The following PRUNE2 variants were observed in gnomAD, a reference collection of about 807,000 sequenced individuals.
The protein encoded by PRUNE2 is prune homolog 2 with BCH domain.
Under a neutral mutation model 252.0 loss-of-function variants are expected in PRUNE2, and 164 were observed. The ratio of observed to expected loss-of-function variants is 0.65; its 90% CI spans 0.57 to 0.74. The LOEUF (loss-of-function observed/expected upper bound fraction) is 0.74. PRUNE2 is among the 30% of genes least tolerant of loss of function. PRUNE2 has a pLI of 0.00. For missense variants in PRUNE2, 3,495 were observed against 3,711.0 expected (o/e 0.94, Z 1.51); for synonymous variants, 1,292 against 1,350.2 (o/e 0.96, Z 0.94).
chr9:76,653,425 A>G (rs907762615), intron 10 of PRUNE2, among the ~76,000 whole-genome samples: 7 of 152,186 alleles, frequency 4.6e-5, no homozygotes, highest in Admixed American at 1.3e-4. Flanking sequence ...AATAATTATA[A>G]TACCTAATAC....
chr9:76,889,478 G>C (rs1479749703), intron 1 of PRUNE2, among the ~76,000 whole-genome samples: 1 of 151,864 alleles, frequency 6.6e-6, no homozygotes, highest in East Asian at 1.9e-4. Context: ...ACACCACTAA[G>C]CCCAGCTACT....
In PRUNE2 at chr9:76,771,513, G is replaced by A. The variant is rs1287437477; in HGVS notation, c.756+52119C>T. On this transcript the variant is annotated intron_variant, in intron 6 of 18. Coordinates refer to ENST00000376718, the MANE Select transcript of PRUNE2 (RefSeq NM_015225.3). ...AATGTGACATGAAGGCAGGTACAAT[G>A]AGGAAGACTACGGTGAGTCGGGGGT... Among the ~76,000 whole-genome samples the A allele has an allele frequency of 3.3e-5, 5 of 152,318 alleles. No individual in the cohort carries two copies. In the East Asian group the frequency reaches 9.6e-4, roughly 29 times the overall value.
chr9:76,654,651 C>A (rs1408406927), intron 10 of PRUNE2, among the ~76,000 whole-genome samples: 1 of 152,154 alleles, frequency 6.6e-6, no homozygotes, highest in African/African-American at 2.4e-5. Flanking sequence ...GCCTTAGTGC[C>A]TTTATCATTC....
At chr9:76,699,474 A>C (rs2045699863) in intron 9 of PRUNE2, among the ~76,000 whole-genome samples, 1 of 152,200 alleles carries the variant, frequency 6.6e-6, no homozygotes, top group Non-Finnish European at 1.5e-5. Flanking sequence ...TCATCCAATC[A>C]GATAAAGGTC....
At chr9:76,780,487 A>G (rs1294594549) in intron 6 of PRUNE2, among the ~76,000 whole-genome samples, 3 of 152,044 alleles carry the variant, frequency 2.0e-5, no homozygotes, top group African/African-American at 7.2e-5. Flanking sequence ...GGAGATCAAG[A>G]CCATCCTGGC....
intron 9 of PRUNE2, among the ~76,000 whole-genome samples, chr9:76,677,431 T>G (rs939107402): frequency 6.6e-6 from 1 of 152,216 alleles, no homozygotes; most frequent in Non-Finnish European, 1.5e-5. Flanking sequence ...GGCATTGTTT[T>G]CCGTTCCTGT....
At chr9:76,883,246 A>G (rs1484349029) in intron 1 of PRUNE2, among the ~76,000 whole-genome samples, 1 of 152,222 alleles carries the variant, frequency 6.6e-6, no homozygotes, top group Non-Finnish European at 1.5e-5. Context: ...GCAAATAGAA[A>G]AAACCTCGAG....
intron 9 of PRUNE2, among the ~76,000 whole-genome samples, chr9:76,690,479 C>T (rs747769147): frequency 3.9e-5 from 6 of 152,166 alleles, no homozygotes; most frequent in Non-Finnish European, 8.8e-5. Flanking sequence ...TGCACCTTGT[C>T]CTCTAGCTAG....
At chr9:76,725,148 A>G (rs4744804) in intron 6 of PRUNE2, among the ~76,000 whole-genome samples, 70,110 of 152,114 alleles carry the variant, frequency 0.46, 16,402 homozygotes, top group Admixed American at 0.57. Context: ...TCAAGAAAGC[A>G]GGAAAACCTT....
intron 9 of PRUNE2, among the ~76,000 whole-genome samples, chr9:76,677,584 G>A (rs2042831632): frequency 6.6e-6 from 1 of 152,234 alleles, no homozygotes. Flanking sequence ...CAGAAGATAT[G>A]TGCACCAGTG....
intron 6 of PRUNE2, among the ~76,000 whole-genome samples, chr9:76,802,129 TA>T (rs1192162332): frequency 1.3e-5 from 2 of 152,056 alleles, no homozygotes; most frequent in African/African-American, 4.8e-5. Context: ...TAAACACAAT[TA>T]AAAAATAATA....
chr9:76,761,435 T>C (rs1390691476), intron 6 of PRUNE2, among the ~76,000 whole-genome samples: 1 of 152,230 alleles, frequency 6.6e-6, no homozygotes, highest in Non-Finnish European at 1.5e-5. Flanking sequence ...ATCATCTATA[T>C]ACCTCAAGTC....
intron 6 of PRUNE2, among the ~76,000 whole-genome samples, chr9:76,721,478 G>A (rs2047641877): frequency 6.6e-6 from 1 of 152,154 alleles, no homozygotes; most frequent in Non-Finnish European, 1.5e-5. Flanking sequence ...CTAATGTCAG[G>A]AACAAGCAAT....
At chr9:76,872,167 C>A (rs1021432882) in intron 1 of PRUNE2, among the ~76,000 whole-genome samples, 1 of 152,082 alleles carries the variant, frequency 6.6e-6, no homozygotes, top group Non-Finnish European at 1.5e-5. Flanking sequence ...GGTGCAGCAT[C>A]TGCAAGCCCC....
intron 6 of PRUNE2, among the ~76,000 whole-genome samples, chr9:76,719,322 A>G (rs2047425944): frequency 6.6e-6 from 1 of 152,228 alleles, no homozygotes; most frequent in Non-Finnish European, 1.5e-5. Flanking sequence ...TACCAATGGA[A>G]AAACTGTTAC....
At chr9:76,882,778 T>G (rs2061865075) in intron 1 of PRUNE2, among the ~76,000 whole-genome samples, 1 of 152,080 alleles carries the variant, frequency 6.6e-6, no homozygotes, top group African/African-American at 2.4e-5. Flanking sequence ...CCTCCAACAA[T>G]GGGGATTACA....
intron 6 of PRUNE2, among the ~76,000 whole-genome samples, chr9:76,730,918 G>A (rs780392466): frequency 1.3e-5 from 2 of 152,082 alleles, no homozygotes; most frequent in Admixed American, 6.6e-5. Context: ...ATAAAGAGAC[G>A]AAAGAGATGA....
Position 76,721,419 on chromosome 9 carries a change from T to G in PRUNE2, c.757-7698A>C, listed in dbSNP as rs533565220. Among the ~76,000 whole-genome samples the G allele has an allele frequency of 7.2e-4, 109 of 152,310 alleles. No homozygotes were observed. The South Asian group carries it at 0.021, about 30-fold the overall frequency. On this transcript the variant is annotated intron_variant, in intron 6 of 18. Coordinates refer to ENST00000376718, the MANE Select transcript of PRUNE2 (RefSeq NM_015225.3). ...TTATAGTGTTGTCTTCCTCACAAAT[T>G]ACAGATGAAATATATTGAGTAAGAC...
chr9:76,850,520 T>C lies in PRUNE2; in HGVS notation c.287A>G (p.Gln96Arg). 2.5e-6 allele frequency: 4 copies of C among 1,614,148 alleles called. No homozygotes were observed. The highest frequency in any genetic ancestry group is 3.4e-6 in the Non-Finnish European group (4 of 1,179,984). ...HIFRDEINLH[Q>R]LNDEGKLSIT... ...CGATAACTTCCCTTCATCATTTAGC[T>C]GATGCAGGTTAATTTCATCCCGGAA... is the stretch of plus-strand genomic sequence containing the variant. Residue 96 changes from glutamine to arginine, a missense_variant, in exon 3 of 19, where the codon CAG becomes CGG. Coordinates refer to ENST00000376718, the MANE Select transcript of PRUNE2 (RefSeq NM_015225.3).
Sources: gnomAD v4.1 joint callset for allele counts (sites outside exome capture counted in the v4.1 genomes callset) on GRCh38, gnomAD v4.1.1 for gene constraint, MANE v1.5 for transcripts, NCBI Gene and HGNC (gene_info 2026-07-23, HGNC 2026-07-21) for gene names.